DOCK3: variants seen among roughly 807,000 people sequenced by gnomAD.
The protein encoded by DOCK3 is dedicator of cytokinesis 3.
DOCK3 carries 60 observed loss-of-function variants against 265.6 expected under a neutral mutation model. The observed-to-expected ratio is 0.23, with a 90% CI of 0.18 to 0.28. The LOEUF is 0.28. DOCK3 is among the 10% of genes least tolerant of loss of function. The probability of loss-of-function intolerance (pLI) is 1.00; values close to 1 mark genes in which losing one functional copy is unlikely to be tolerated. For synonymous variants in DOCK3, 881 were observed against 938.0 expected, an observed-to-expected ratio of 0.94 and a Z score of 1.11; for missense variants, 1,981 against 2,594.3, an observed-to-expected ratio of 0.76 and a Z score of 5.14.
intron 27 of DOCK3, among the ~76,000 whole-genome samples, chr3:51,288,391 CAAA>C (rs35390396): frequency 1.7e-4 from 15 of 87,190 alleles, no homozygotes; most frequent in Admixed American, 4.8e-4. Flanking sequence ...GACTCCGTCT[CAAA>C]AAAAAAAAAA....
chr3:50,967,473 A>T (rs1039343666), intron 5 of DOCK3, among the ~76,000 whole-genome samples: 1 of 152,170 alleles, frequency 6.6e-6, no homozygotes, highest in Non-Finnish European at 1.5e-5. Context: ...TGGGAGTGCC[A>T]GTATCTTTTA....
At chr3:51,353,949 TAGGC>T (rs2086183818) in intron 40 of DOCK3, among the ~76,000 whole-genome samples, 1 of 152,174 alleles carries the variant, frequency 6.6e-6, no homozygotes, top group African/African-American at 2.4e-5. Flanking sequence ...AGCTATGACA[TAGGC>T]AGAGCAAGCA....
At chr3:50,743,689 G>A (rs1157595301) in intron 1 of DOCK3, among the ~76,000 whole-genome samples, 1 of 152,146 alleles carries the variant, frequency 6.6e-6, no homozygotes, top group Non-Finnish European at 1.5e-5. Context: ...GATTCATAAA[G>A]CAAGTCCTTA....
intron 2 of DOCK3, among the ~76,000 whole-genome samples, chr3:50,818,134 T>A (rs2044197360): frequency 6.6e-6 from 1 of 152,218 alleles, no homozygotes; most frequent in Non-Finnish European, 1.5e-5. Flanking sequence ...TAGGAGTAAT[T>A]ATTCTCTTTT....
intron 1 of DOCK3, among the ~76,000 whole-genome samples, chr3:50,726,512 A>G (rs1230787857): frequency 6.6e-6 from 1 of 152,202 alleles, no homozygotes; most frequent in East Asian, 1.9e-4. Flanking sequence ...GTGAGCAGGA[A>G]GTAAAGGCTA....
At chr3:50,882,798 C>CTA (rs1390270137) in intron 3 of DOCK3, among the ~76,000 whole-genome samples, 1 of 152,186 alleles carries the variant, frequency 6.6e-6, no homozygotes, top group Admixed American at 6.5e-5. Flanking sequence ...AATCATGCTG[C>CTA]TATAAAGACA....
intron 32 of DOCK3, among the ~76,000 whole-genome samples, chr3:51,315,770 T>C (rs1389234324): frequency 1.3e-5 from 2 of 152,138 alleles, no homozygotes; most frequent in African/African-American, 4.8e-5. Context: ...CTGTCCACTG[T>C]AAGCAGGCCT....
At chr3:51,231,311 TA>T (rs2090539043) in intron 19 of DOCK3, among the ~76,000 whole-genome samples, 1 of 151,830 alleles carries the variant, frequency 6.6e-6, no homozygotes, top group African/African-American at 2.4e-5. Context: ...ATATTTTTAG[TA>T]GAGACACGGT....
intron 5 of DOCK3, among the ~76,000 whole-genome samples, chr3:50,936,778 A>G (rs2051386102): frequency 1.3e-5 from 2 of 152,238 alleles, no homozygotes; most frequent in African/African-American, 4.8e-5. Flanking sequence ...ATTTGTTGAC[A>G]GCAGATTGGT....
chr3:51,191,280 A>G (rs1474509487), intron 12 of DOCK3, among the ~76,000 whole-genome samples: 1 of 152,116 alleles, frequency 6.6e-6, no homozygotes, highest in African/African-American at 2.4e-5. Flanking sequence ...GTTTATCTCC[A>G]CTCAAGATTA....
At chr3:50,957,559 G>A (rs2076762873) in intron 5 of DOCK3, among the ~76,000 whole-genome samples, 1 of 152,176 alleles carries the variant, frequency 6.6e-6, no homozygotes. Context: ...GCTTCTTTTT[G>A]TCTCATCATT....
At chr3:50,992,497 A>G (rs1220942030) in intron 5 of DOCK3, among the ~76,000 whole-genome samples, 2 of 152,126 alleles carry the variant, frequency 1.3e-5, no homozygotes, top group Non-Finnish European at 2.9e-5. Context: ...GGGTTTCACC[A>G]TGTTGGCTAG....
intron 27 of DOCK3, among the ~76,000 whole-genome samples, chr3:51,295,084 C>T (rs2082006263): frequency 6.6e-6 from 1 of 152,058 alleles, no homozygotes; most frequent in Admixed American, 6.6e-5. Flanking sequence ...GTATAAAGGA[C>T]AAAACCACAT....
chr3:51,376,640 T>G (rs2110564307), intron 51 of DOCK3, among the ~76,000 whole-genome samples: 1 of 152,276 alleles, frequency 6.6e-6, no homozygotes, highest in Middle Eastern at 3.4e-3. Context: ...CTCCATCTAT[T>G]GGAGTTTAGG....
chr3:50,719,958 T>C (rs2037371030), intron 1 of DOCK3: 1 of 474,222 alleles, frequency 2.1e-6, no homozygotes, highest in Admixed American at 3.1e-5. Flanking sequence ...ATGTCGGGGT[T>C]CTGGGTAGTG....
intron 1 of DOCK3, among the ~76,000 whole-genome samples, chr3:50,758,958 A>G (rs2108370421): frequency 6.6e-6 from 1 of 152,308 alleles, no homozygotes; most frequent in Middle Eastern, 3.4e-3. Flanking sequence ...TTACTTTGTA[A>G]GGCTGAATAA....
At chr3:51,371,195 G>T (rs1056340948) in intron 49 of DOCK3, among the ~76,000 whole-genome samples, 1 of 152,222 alleles carries the variant, frequency 6.6e-6, no homozygotes. Context: ...AGAAGGTGTT[G>T]ATGGTCACCA....
At chr3:50,731,688 C>A (rs1419949747) in intron 1 of DOCK3, among the ~76,000 whole-genome samples, 1 of 151,858 alleles carries the variant, frequency 6.6e-6, no homozygotes, top group Non-Finnish European at 1.5e-5. Flanking sequence ...GAAAAGAGTC[C>A]CATCATCCAA....
intron 2 of DOCK3, among the ~76,000 whole-genome samples, chr3:50,806,347 C>T (rs2043413603): frequency 6.6e-6 from 1 of 152,032 alleles, no homozygotes; most frequent in South Asian, 2.1e-4. Context: ...CCTGGGGGCA[C>T]ACCTGTGAGG....
Sources: gnomAD v4.1 joint callset for allele counts (sites outside exome capture counted in the v4.1 genomes callset) on GRCh38, gnomAD v4.1.1 for gene constraint, MANE v1.5 for transcripts, NCBI Gene and HGNC (gene_info 2026-07-23, HGNC 2026-07-21) for gene names.